DZANK1: variants seen among roughly 807,000 people sequenced by gnomAD.
The protein encoded by DZANK1 is double zinc ribbon and ankyrin repeat domains 1.
A neutral mutation model predicts 94.5 loss-of-function variants in DZANK1; 91 were observed. That is an observed-to-expected ratio of 0.96 (90% CI 0.81 to 1.15). The LOEUF (loss-of-function observed/expected upper bound fraction) is 1.15, where lower values mean the gene tolerates loss of function less well. Among genes scored for constraint, DZANK1 ranks in the 50% most tolerant of loss-of-function variants. The probability of loss-of-function intolerance (pLI) is 0.00; values close to 1 mark genes in which losing one functional copy is unlikely to be tolerated. For missense variants in DZANK1, 903 were observed against 916.4 expected, an observed-to-expected ratio of 0.99 and a Z score of 0.19; for synonymous variants, 312 against 325.3, an observed-to-expected ratio of 0.96 and a Z score of 0.44.
intron 6 of DZANK1, chr20:18,451,822 C>T (rs532741810): frequency 3.9e-6 from 2 of 513,842 alleles, no homozygotes; most frequent in Non-Finnish European, 3.9e-6. Context: ...ACCACCTCTA[C>T]AACCTTGGTC....
chr20:18,395,274 T>C (rs2056272908), intron 15 of DZANK1, among the ~76,000 whole-genome samples: 1 of 152,148 alleles, frequency 6.6e-6, no homozygotes, highest in Non-Finnish European at 1.5e-5. Flanking sequence ...GGAACGAGAA[T>C]TGCTGGAACC....
At chr20:18,399,618 G>T (rs950402480) in intron 13 of DZANK1, among the ~76,000 whole-genome samples, 2 of 152,182 alleles carry the variant, frequency 1.3e-5, no homozygotes, top group Admixed American at 6.5e-5. Context: ...ACTCTAAAAA[G>T]TTCTCTTGGG....
chr20:18,399,702 C>T (rs562756431), intron 13 of DZANK1, among the ~76,000 whole-genome samples: 3 of 152,308 alleles, frequency 2.0e-5, no homozygotes, highest in South Asian at 4.1e-4. Flanking sequence ...GGAGATTTCA[C>T]GTGAGTCTGG....
In DZANK1 at chr20:18,398,619, C is replaced by T; in HGVS notation, c.1440G>A (p.Trp480Ter). ...CAGAGATGTGATCCAGCTGTCTTCT[C>T]CAGTACCCTAAGAAAGAAGAGAAAC... The change falls in exon 14 of 21, where the codon TGG (tryptophan) becomes TGA (stop). Residue 480 changes from tryptophan to a stop codon, truncating the protein, a stop_gained. Transcript: ENST00000262547. LOFTEE classifies it high-confidence loss of function. The T allele has an allele frequency of 1.2e-6, 2 of 1,613,958 alleles. No homozygotes were observed. Among genetic ancestry groups the T allele is most frequent in the Non-Finnish European group, 1.7e-6 (2 of 1,179,858 alleles).
rs1393653851 is a variant in DZANK1, at chr20:18,393,906, G to A, written c.1709-95C>T. On this transcript the variant is annotated intron_variant, in intron 16 of 20. Coordinates refer to ENST00000262547, the Ensembl canonical transcript of DZANK1. ...ACTTCCACGTCCCTCAAAAGTCAGA[G>A]GATAAAATGGCTATCATAGAAATTT... 1.2e-5 allele frequency: 10 copies of A among 830,180 alleles called. No homozygotes were observed. In the Admixed American group the frequency reaches 2.6e-4, roughly 21 times the overall value. The allele number at this position is 830,180 out of a possible 1,614,324, so 51.4% of individuals were successfully genotyped here. A position where few individuals can be genotyped will look rare whatever the true frequency, so the allele number is the denominator to read the frequency against.
intron 17 of DZANK1, among the ~76,000 whole-genome samples, chr20:18,392,413 G>A (rs2056057854): frequency 6.6e-6 from 1 of 152,232 alleles, no homozygotes; most frequent in Non-Finnish European, 1.5e-5. Context: ...GGAATCAGGA[G>A]GCAAGCTGGG....
intron 16 of DZANK1, 133 bp downstream of exon 16, chr20:18,394,121 A>G: frequency 1.3e-6 from 1 of 775,072 alleles, no homozygotes; most frequent in South Asian, 1.8e-5. Flanking sequence ...GAAGCCAGAG[A>G]AATAAAACGT....
At chr20:18,398,029 G>A (rs1035223904) in intron 14 of DZANK1, among the ~76,000 whole-genome samples, 2 of 152,310 alleles carry the variant, frequency 1.3e-5, no homozygotes, top group South Asian at 2.1e-4. Context: ...CATTTGAGGG[G>A]AAGACAGTCA....
At chr20:18,433,372 T>C (rs1209610495) in intron 9 of DZANK1, 1 of 342,982 alleles carries the variant, frequency 2.9e-6, no homozygotes, top group Non-Finnish European at 5.5e-6. Flanking sequence ...TGAAACCCCA[T>C]GTCTACTAAA....
At chr20:18,452,983 C>T (rs1200723225) in intron 5 of DZANK1, among the ~76,000 whole-genome samples, 1 of 152,178 alleles carries the variant, frequency 6.6e-6, no homozygotes, top group African/African-American at 2.4e-5. Context: ...CCACTTCAGG[C>T]TGGGAAAACA....
chr20:18,465,457 T>C (rs1054583810), intron 1 of DZANK1, 80 bp from the exon 2 acceptor site: 8 of 455,420 alleles, frequency 1.8e-5, no homozygotes, highest in Non-Finnish European at 2.6e-5. Flanking sequence ...GCAAAACTAG[T>C]TAAAACGAGA....
In DZANK1 at chr20:18,422,005, T is replaced by G. The variant is rs79015385; in HGVS notation, c.954+5062A>C. ...TTTGAACATATTTTCTTCCATTCTG[T>G]AGGTTGTCTCTTAACTGTGTTCATT... On this transcript the variant is annotated intron_variant, in intron 10 of 20. Coordinates refer to ENST00000262547, the Ensembl canonical transcript of DZANK1. 7.3e-3 allele frequency among the ~76,000 whole-genome samples: 1,117 copies of G among 152,360 alleles called. 15 individuals carry two copies. The highest frequency in any genetic ancestry group is 0.026 in the African/African-American group (1,081 of 41,596).
At chr20:18,424,553 AT>A (rs2148537008) in intron 10 of DZANK1, among the ~76,000 whole-genome samples, 1 of 152,306 alleles carries the variant, frequency 6.6e-6, no homozygotes, top group East Asian at 1.9e-4. Context: ...TGGAACCTTT[AT>A]ATATTGCTAG....
At chr20:18,438,242 AATAACACAAAAG>A (rs2058605432) in intron 8 of DZANK1, among the ~76,000 whole-genome samples, 6 of 132,106 alleles carry the variant, frequency 4.5e-5, no homozygotes, top group African/African-American at 1.4e-4. Flanking sequence ...AAAAAAAAGA[AATAACACAAAAG>A]AAAGCAGTAA....
chr20:18,387,264 T>G (rs1051192252), intron 19 of DZANK1, among the ~76,000 whole-genome samples: 7 of 151,942 alleles, frequency 4.6e-5, no homozygotes, highest in African/African-American at 9.7e-5. Flanking sequence ...GCATGGGGGG[T>G]TTGCTGGTGG....
chr20:18,411,286 T>C (rs75770427), intron 13 of DZANK1, among the ~76,000 whole-genome samples: 213 of 152,262 alleles, frequency 1.4e-3, no homozygotes, highest in African/African-American at 4.9e-3. Flanking sequence ...CTCAAGTTAC[T>C]AGAATTAGAA....
At chr20:18,437,998 C>A (rs1178047455) in intron 8 of DZANK1, among the ~76,000 whole-genome samples, 1 of 151,906 alleles carries the variant, frequency 6.6e-6, no homozygotes, top group Non-Finnish European at 1.5e-5. Context: ...GCGGGCGGAT[C>A]ATGAGGTCAG....
rs1277476682 is a variant in DZANK1, at chr20:18,452,562, A to G, written c.543+53T>C. 8 of 1,531,084 alleles carry G rather than the reference A, an allele frequency of 5.2e-6. No individual in the cohort carries two copies. The African/African-American group carries it at 8.3e-5, about 16-fold the overall frequency. The allele number at this position is 1,531,084 out of a possible 1,614,324, so 94.8% of individuals were successfully genotyped here. On this transcript the variant is annotated intron_variant, in intron 6 of 20. Transcript: ENST00000262547. ...CAGTCTTAAAGTATTTCATGGGAGCATTAAAAATATAGGAGGTATTTGAAT... is the reference window on the plus strand; with the variant it reads ...CAGTCTTAAAGTATTTCATGGGAGCGTTAAAAATATAGGAGGTATTTGAAT...
intron 9 of DZANK1, among the ~76,000 whole-genome samples, chr20:18,429,732 A>G (rs1229081766): frequency 6.6e-6 from 1 of 152,216 alleles, no homozygotes; most frequent in African/African-American, 2.4e-5. Context: ...CAGGTCTATT[A>G]AACGTAGTTT....
Sources: gnomAD v4.1 joint callset for allele counts (sites outside exome capture counted in the v4.1 genomes callset) on GRCh38, gnomAD v4.1.1 for gene constraint, MANE v1.5 for transcripts, NCBI Gene and HGNC (gene_info 2026-07-23, HGNC 2026-07-21) for gene names.